The following IL1RAPL2 variants were observed in gnomAD, a reference collection of about 807,000 sequenced individuals.
IL1RAPL2 encodes the protein interleukin 1 receptor accessory protein like 2, also known as X-linked interleukin-1 receptor accessory protein-like 2.
In IL1RAPL2, 3 loss-of-function variants were observed where a neutral mutation model predicts 44.1. The ratio of observed to expected loss-of-function variants is 0.07; its 90% confidence interval spans 0.03 to 0.18. The LOEUF (loss-of-function observed/expected upper bound fraction) is 0.18. Among genes scored for constraint, IL1RAPL2 ranks in the 10% least tolerant of loss-of-function variants. The pLI is 1.00. For synonymous variants in IL1RAPL2, 181 were observed against 178.8 expected (o/e 1.01, Z -0.10); for missense variants, 391 against 496.4 (o/e 0.79, Z 2.02).
chrX:105,463,572 A>C (rs201666451), intron 5 of IL1RAPL2, among the ~76,000 whole-genome samples: 6 of 2,463 alleles, frequency 2.4e-3, no homozygotes, highest in Non-Finnish European at 1.5e-3. Context: ...TCTCTCTCCC[A>C]CACACACACA....
intron 2 of IL1RAPL2, among the ~76,000 whole-genome samples, chrX:104,813,494 C>A (rs1341046618): frequency 9.0e-6 from 1 of 111,014 alleles, no homozygotes; most frequent in Non-Finnish European, 1.9e-5. Flanking sequence ...TTCATATTCT[C>A]GGGCTTGTGT....
intron 5 of IL1RAPL2, among the ~76,000 whole-genome samples, chrX:105,431,251 A>G (rs1466921920): frequency 8.9e-6 from 1 of 112,320 alleles, no homozygotes; most frequent in Non-Finnish European, 1.9e-5. Context: ...AGTTAAGTAC[A>G]GAGAGCGAAT....
At chrX:104,890,073 G>T (rs1226491084) in intron 2 of IL1RAPL2, among the ~76,000 whole-genome samples, 2 of 111,360 alleles carry the variant, frequency 1.8e-5, no homozygotes, top group Non-Finnish European at 3.8e-5. Context: ...CCTTGCGATA[G>T]TTTGCTGAGA....
intron 6 of IL1RAPL2, among the ~76,000 whole-genome samples, chrX:105,599,359 C>A (rs2147821631): frequency 9.0e-6 from 1 of 111,520 alleles, no homozygotes; most frequent in East Asian, 2.8e-4. Context: ...TGCATAGAAA[C>A]TCAAAGACAT....
chrX:104,879,160 G>A (rs1922990743), intron 2 of IL1RAPL2, among the ~76,000 whole-genome samples: 1 of 110,082 alleles, frequency 9.1e-6, no homozygotes, highest in Admixed American at 9.6e-5. Flanking sequence ...CATATTTAAT[G>A]TAAATGACTA....
intron 5 of IL1RAPL2, among the ~76,000 whole-genome samples, chrX:105,399,709 C>A (rs766249968): frequency 9.0e-6 from 1 of 111,381 alleles, no homozygotes; most frequent in African/African-American, 3.2e-5. Flanking sequence ...TTTTCAACTT[C>A]ATTTATTTAT....
chrX:105,017,287 G>A (rs1602892469), intron 2 of IL1RAPL2, among the ~76,000 whole-genome samples: 1 of 110,809 alleles, frequency 9.0e-6, no homozygotes, highest in Non-Finnish European at 1.9e-5. Flanking sequence ...AAAGATTTTT[G>A]TGTCTATCTC....
At chrX:105,071,650 T>C (rs1452358386) in intron 2 of IL1RAPL2, among the ~76,000 whole-genome samples, 1 of 112,135 alleles carries the variant, frequency 8.9e-6, no homozygotes, top group African/African-American at 3.2e-5. Flanking sequence ...CAAAATAGCA[T>C]GGTAGCAGCA....
intron 7 of IL1RAPL2, among the ~76,000 whole-genome samples, chrX:105,734,937 G>C (rs920898571): frequency 9.0e-6 from 1 of 111,227 alleles, no homozygotes; most frequent in African/African-American, 3.3e-5. Context: ...TACATTATAA[G>C]TGTTTGTGGT....
At chrX:104,814,709 A>C (rs1921089820) in intron 2 of IL1RAPL2, among the ~76,000 whole-genome samples, 1 of 112,338 alleles carries the variant, frequency 8.9e-6, no homozygotes, top group Non-Finnish European at 1.9e-5. Flanking sequence ...GCATGGATTT[A>C]GATGAAACAT....
chrX:105,547,277 T>C (rs1023592741), intron 6 of IL1RAPL2, among the ~76,000 whole-genome samples: 1 of 112,422 alleles, frequency 8.9e-6, no homozygotes, highest in African/African-American at 3.2e-5. Flanking sequence ...TATCGTACAT[T>C]TTTAATACAA....
chrX:104,594,500 G>A (rs1291022336), intron 1 of IL1RAPL2, among the ~76,000 whole-genome samples: 1 of 111,032 alleles, frequency 9.0e-6, no homozygotes, highest in East Asian at 2.8e-4. Context: ...CACTAAAAGG[G>A]GTGCCCTTTC....
At chrX:104,756,776 C>T (rs181005653) in intron 2 of IL1RAPL2, among the ~76,000 whole-genome samples, 2 of 109,872 alleles carry the variant, frequency 1.8e-5, no homozygotes, top group Non-Finnish European at 1.9e-5. Flanking sequence ...CCAGGGAAGA[C>T]TTCACTGAGG....
intron 5 of IL1RAPL2, among the ~76,000 whole-genome samples, chrX:105,299,928 A>G (rs966595361): frequency 9.0e-6 from 1 of 111,581 alleles, no homozygotes; most frequent in African/African-American, 3.3e-5. Context: ...TTGGGTGATG[A>G]CTTCTCTGGC....
intron 2 of IL1RAPL2, among the ~76,000 whole-genome samples, chrX:104,797,167 G>A (rs912658908): frequency 1.2e-5 from 1 of 82,293 alleles, no homozygotes; most frequent in African/African-American, 5.0e-5. Flanking sequence ...TGCTACCTAA[G>A]TTGTAATGAT....
At chrX:105,408,878 GAA>G (rs11336039) in intron 5 of IL1RAPL2, among the ~76,000 whole-genome samples, 90 of 101,192 alleles carry the variant, frequency 8.9e-4, no homozygotes, top group South Asian at 4.7e-3. Flanking sequence ...ATAAAGTGTT[GAA>G]AAAAAAAAAA....
chrX:104,603,998 T>G (rs1420516262), intron 1 of IL1RAPL2, among the ~76,000 whole-genome samples: 2 of 111,071 alleles, frequency 1.8e-5, no homozygotes, highest in African/African-American at 6.6e-5. Flanking sequence ...CCAAGACACA[T>G]AATCATCAGA....
At chrX:104,884,515 C>T (rs1479499306) in intron 2 of IL1RAPL2, among the ~76,000 whole-genome samples, 1 of 111,311 alleles carries the variant, frequency 9.0e-6, no homozygotes, top group East Asian at 2.8e-4. Context: ...AACAGGCTCA[C>T]CTTTGAAATG....
chrX:104,775,806 A>G (rs1255423029), intron 2 of IL1RAPL2, among the ~76,000 whole-genome samples: 1 of 111,068 alleles, frequency 9.0e-6, no homozygotes, highest in African/African-American at 3.3e-5. Flanking sequence ...AACAGCTCAT[A>G]TAGTTAGTTA....
Sources: gnomAD v4.1 joint callset for allele counts (sites outside exome capture counted in the v4.1 genomes callset) on GRCh38, gnomAD v4.1.1 for gene constraint, MANE v1.5 for transcripts, NCBI Gene and HGNC (gene_info 2026-07-23, HGNC 2026-07-21) for gene names.